PDLIM1: variants seen among roughly 807,000 people sequenced by gnomAD.
The protein encoded by PDLIM1 is PDZ and LIM domain 1.
A neutral mutation model predicts 35.2 loss-of-function variants in PDLIM1; 25 were observed. The observed-to-expected ratio is 0.71, with a 90% CI of 0.52 to 0.99. The LOEUF (loss-of-function observed/expected upper bound fraction) is 0.99. Ranked by LOEUF, PDLIM1 falls within the 50% of genes least tolerant of loss-of-function variation. PDLIM1 has a pLI of 0.00. For missense variants in PDLIM1, 363 were observed against 415.3 expected (o/e 0.87, Z 1.09); for synonymous variants, 152 against 154.0 (o/e 0.99, Z 0.10).
rs1209761331 is a variant in PDLIM1, at chr10:95,277,057, C to CA, written c.97-5274dup. Reference sequence around the variant, plus strand: ...GGCGTAACCCTGTCTCTACAAAATACAAAAAAAATTTGCCAGGTGTGGTGG... The same window carrying CA: ...GGCGTAACCCTGTCTCTACAAAATACAAAAAAAAATTTGCCAGGTGTGGTGG... On this transcript the variant is annotated intron_variant, in intron 1 of 6. Transcript: ENST00000329399. 2.6e-5 allele frequency among the ~76,000 whole-genome samples: 4 copies of CA among 151,294 alleles called. No individual in the cohort carries two copies. The East Asian group carries it at 7.8e-4, about 30-fold the overall frequency.
At chr10:95,280,852 A>G (rs1034335139) in intron 1 of PDLIM1, among the ~76,000 whole-genome samples, 1 of 152,062 alleles carries the variant, frequency 6.6e-6, no homozygotes, top group African/African-American at 2.4e-5. Flanking sequence ...ACTCACCAAT[A>G]CTCAGCCAAC....
At chr10:95,248,908 C>G (rs2035245076) in intron 4 of PDLIM1, among the ~76,000 whole-genome samples, 1 of 152,248 alleles carries the variant, frequency 6.6e-6, no homozygotes, top group Non-Finnish European at 1.5e-5. Flanking sequence ...CTCAAGTGCA[C>G]TCCTCAGAGA....
intron 4 of PDLIM1, among the ~76,000 whole-genome samples, chr10:95,253,572 C>T (rs2035285654): frequency 6.6e-6 from 1 of 151,726 alleles, no homozygotes; most frequent in South Asian, 2.1e-4. Context: ...ATGACAATCA[C>T]CTGAACCCGG....
chr10:95,289,017 G>A (rs937069801), intron 1 of PDLIM1, among the ~76,000 whole-genome samples: 1 of 152,206 alleles, frequency 6.6e-6, no homozygotes, highest in Non-Finnish European at 1.5e-5. Flanking sequence ...TCACAGTGTG[G>A]TGTTTTCCAC....
At chr10:95,288,717 T>C (rs906941256) in intron 1 of PDLIM1, among the ~76,000 whole-genome samples, 1 of 152,204 alleles carries the variant, frequency 6.6e-6, no homozygotes, top group East Asian at 1.9e-4. Context: ...AATTTTTCCA[T>C]GTATTAATAA....
intron 1 of PDLIM1, among the ~76,000 whole-genome samples, chr10:95,287,401 C>T (rs1411781413): frequency 6.6e-6 from 1 of 152,118 alleles, no homozygotes; most frequent in African/African-American, 2.4e-5. Context: ...TTAAGCATCC[C>T]TTGGGATACT....
intron 1 of PDLIM1, chr10:95,273,427 A>G (rs2035481890): frequency 6.6e-6 from 1 of 152,250 alleles, no homozygotes; most frequent in Admixed American, 6.5e-5. Context: ...ATTAGCCCTC[A>G]GCGCAGCTAG....
chr10:95,274,491 T>C (rs2035495096), intron 1 of PDLIM1, among the ~76,000 whole-genome samples: 1 of 151,906 alleles, frequency 6.6e-6, no homozygotes, highest in Non-Finnish European at 1.5e-5. Flanking sequence ...ATGGGGTTTT[T>C]TCACCATGTT....
At chr10:95,245,703 G>C (rs1017326131) in intron 5 of PDLIM1, among the ~76,000 whole-genome samples, 3 of 152,200 alleles carry the variant, frequency 2.0e-5, no homozygotes, top group Admixed American at 6.5e-5. Flanking sequence ...CCAAGCAAAA[G>C]AGGAAAGCAG....
chr10:95,249,231 C>T (rs1222670367), intron 4 of PDLIM1, among the ~76,000 whole-genome samples: 1 of 152,210 alleles, frequency 6.6e-6, no homozygotes, highest in Non-Finnish European at 1.5e-5. Context: ...TGCAGGCTCA[C>T]GAGGTCCTCC....
At chr10:95,263,769 G>A (rs559617223) in intron 4 of PDLIM1, 95 bp downstream of exon 4, 1 of 823,634 alleles carries the variant, frequency 1.2e-6, no homozygotes, top group East Asian at 2.5e-5. Context: ...TTTCTCCCTG[G>A]AGTAGTGGCT....
intron 4 of PDLIM1, among the ~76,000 whole-genome samples, chr10:95,249,203 C>T (rs1460292914): frequency 6.6e-6 from 1 of 152,200 alleles, no homozygotes; most frequent in African/African-American, 2.4e-5. Context: ...TTCCTCCTTG[C>T]TGTGCTCCCC....
rs758798242 is a variant in PDLIM1, at chr10:95,268,860, G to A, written c.251C>T (p.Ser84Phe). The A allele has an allele frequency of 3.1e-6, 5 of 1,598,560 alleles. No homozygotes were observed. In the East Asian group the frequency reaches 8.9e-5, roughly 29 times the overall value. ...CAGAGGAGACCAGACTTTATGTTCA[G>A]ATCTGCAACAGATTAACAAAGCTGC... Reference protein sequence around the residue: ...TDNLTLTVARSEHKVWSPLVT... With the variant: ...TDNLTLTVARFEHKVWSPLVT... The change falls in exon 3 of 7, where the codon TCT (serine) becomes TTT (phenylalanine). Residue 84 changes from serine to phenylalanine, a missense_variant and splice_region_variant. Transcript: ENST00000329399.
chr10:95,270,035 C>T (rs1166131784), intron 2 of PDLIM1, among the ~76,000 whole-genome samples: 1 of 152,126 alleles, frequency 6.6e-6, no homozygotes, highest in East Asian at 1.9e-4. Context: ...CCATACCTGG[C>T]CATACTTAAC....
chr10:95,279,108 G>C (rs45620737), intron 1 of PDLIM1, among the ~76,000 whole-genome samples: 3,390 of 151,982 alleles, frequency 0.022, 124 homozygotes, highest in African/African-American at 0.073. Flanking sequence ...CCCTAGATTC[G>C]CAGCTTCTTT....
chr10:95,268,206 T>C (rs1395995107), intron 3 of PDLIM1, among the ~76,000 whole-genome samples: 1 of 152,218 alleles, frequency 6.6e-6, no homozygotes, highest in Non-Finnish European at 1.5e-5. Flanking sequence ...GGGTGACAAA[T>C]TGTACACTAT....
At chr10:95,283,637 C>CT (rs2035577495) in intron 1 of PDLIM1, among the ~76,000 whole-genome samples, 1 of 152,190 alleles carries the variant, frequency 6.6e-6, no homozygotes, top group South Asian at 2.1e-4. Flanking sequence ...CTGGGGAAGC[C>CT]TTTTACCTTA....
rs2035317859 is a variant in PDLIM1 at position 95,256,986 on chromosome 10, A to AAAAGAAAGAAAGAGAGAAAG, written c.533+6877_533+6878insCTTTCTCTCTTTCTTTCTTT. Among the ~76,000 whole-genome samples the AAAAGAAAGAAAGAGAGAAAG allele has an allele frequency of 3.2e-5, 2 of 61,658 alleles. 1 individual carries two copies. Among genetic ancestry groups the AAAAGAAAGAAAGAGAGAAAG allele is most frequent in the African/African-American group, 1.3e-4 (2 of 14,860 alleles). The allele number at this position is 61,658 out of a possible 152,430, so 40.5% of individuals were successfully genotyped here. A position where few individuals can be genotyped will look rare whatever the true frequency, so the allele number is the denominator to read the frequency against. ...TGAGACTTCATCTTAAAAAAAAAAA[A>AAAAGAAAGAAAGAGAGAAAG]AAAGAAAGAAAGAAAGAAAGAAAGA... On this transcript the variant is annotated intron_variant, in intron 4 of 6. Coordinates refer to ENST00000329399, the MANE Select transcript of PDLIM1 (RefSeq NM_020992.4).
chr10:95,248,482 A>C (rs545796292), intron 4 of PDLIM1, among the ~76,000 whole-genome samples: 1 of 152,300 alleles, frequency 6.6e-6, no homozygotes, highest in South Asian at 2.1e-4. Flanking sequence ...TCCCAGCCTC[A>C]AGTGATCCTC....
Sources: gnomAD v4.1 joint callset for allele counts (sites outside exome capture counted in the v4.1 genomes callset) on GRCh38, gnomAD v4.1.1 for gene constraint, MANE v1.5 for transcripts, NCBI Gene and HGNC (gene_info 2026-07-23, HGNC 2026-07-21) for gene names.